The following KLF13 variants were observed in gnomAD, a reference collection of about 807,000 sequenced individuals.
KLF13 encodes the protein Krueppel-like factor 13.
KLF13 carries 8 observed loss-of-function variants against 16.7 expected under a neutral mutation model. The observed-to-expected ratio is 0.48, with a 90% CI of 0.28 to 0.87. The LOEUF (loss-of-function observed/expected upper bound fraction) is 0.87, where lower values mean the gene tolerates loss of function less well. Among genes scored for constraint, KLF13 ranks in the 40% least tolerant of loss-of-function variants. KLF13 has a pLI of 0.10. For synonymous variants in KLF13, 245 were observed against 208.4 expected (o/e 1.18, Z -1.51); for missense variants, 447 against 452.2 (o/e 0.99, Z 0.10).
At chr15:31,396,484 T>C (rs1353022844) in intron 2 of KLF13, among the ~76,000 whole-genome samples, 1 of 152,098 alleles carries the variant, frequency 6.6e-6, no homozygotes, top group Non-Finnish European at 1.5e-5. Context: ...ATTTGGTGGT[T>C]GGGGGGCAGC....
rs918257836 is a variant in KLF13 at position 31,376,278 on chromosome 15, C to CTGG, written c.*3981_*3983dup. 1 of 141,532 alleles carries CTGG rather than the reference C, an allele frequency of 7.1e-6. No individual in the cohort carries two copies. Among genetic ancestry groups the CTGG allele is most frequent in the African/African-American group, 2.6e-5 (1 of 37,880 alleles). The allele number at this position is 141,532 out of a possible 1,614,324, so 8.8% of individuals were successfully genotyped here. On this transcript the variant is annotated 3_prime_UTR_variant, in exon 2 of 2. Transcript: ENST00000307145. ...ATAGTGTGGCCTTGTTTCTCCGCTT[C>CTGG]TGGTTGTGGCTGTGTGTACAGGGCT...
chr15:31,372,523 T>A lies in KLF13; in HGVS notation c.*224T>A. ...AATAGATACACCCACAAAGTTGAGA[T>A]TCAGCGTTGTTGAACCCCCTTTCTC... On this transcript the variant is annotated 3_prime_UTR_variant, in exon 2 of 2. Coordinates refer to ENST00000307145, the MANE Select transcript of KLF13 (RefSeq NM_015995.4). 2 of 545,932 alleles carry A rather than the reference T, an allele frequency of 3.7e-6. No individual in the cohort carries two copies. The highest frequency in any genetic ancestry group is 3.1e-6 in the Non-Finnish European group (1 of 321,554). 33.8% of individuals were successfully genotyped at this position (545,932 alleles called of 1,614,324 possible). A position where few individuals can be genotyped will look rare whatever the true frequency, so the allele number is the denominator to read the frequency against.
chr15:31,405,557 A>G (rs1417068976), downstream of KLF13, among the ~76,000 whole-genome samples: 2 of 152,240 alleles, frequency 1.3e-5, no homozygotes, highest in Non-Finnish European at 2.9e-5. Flanking sequence ...TGATGAAAAC[A>G]TCTTGCTAGG....
intron 2 of KLF13, among the ~76,000 whole-genome samples, chr15:31,395,340 C>T (rs1166359215): frequency 2.6e-5 from 4 of 152,100 alleles, no homozygotes; most frequent in African/African-American, 9.7e-5. Context: ...TTTTTAAAGT[C>T]CATTCATCCA....
intron 1 of KLF13, among the ~76,000 whole-genome samples, chr15:31,352,031 G>A (rs1321064206): frequency 2.0e-5 from 3 of 151,924 alleles, no homozygotes; most frequent in Non-Finnish European, 4.4e-5. Context: ...AAAGGGAGGC[G>A]GGGGGAGTTT....
chr15:31,334,024 C>T lies in KLF13; in HGVS notation c.577+6235C>T, dbSNP rs2038883620. Among the ~76,000 whole-genome samples, 3 of 152,156 alleles carry T rather than the reference C, an allele frequency of 2.0e-5. No homozygotes were observed. In the South Asian group the frequency reaches 6.2e-4, roughly 32 times the overall value. On this transcript the variant is annotated intron_variant, in intron 1 of 1. Transcript: ENST00000307145. ...CATGGTTAAGGTGGGCGGCCAGGCT[C>T]AGCCCCTTCTGTCCACCTGGTTGGT...
intron 2 of KLF13, among the ~76,000 whole-genome samples, chr15:31,395,088 T>C (rs1046930942): frequency 7.2e-5 from 11 of 152,296 alleles, no homozygotes; most frequent in African/African-American, 1.9e-4. Flanking sequence ...CAAGCGATTC[T>C]CCTGTCTCAG....
intron 1 of KLF13, among the ~76,000 whole-genome samples, chr15:31,412,947 G>C (rs1205676163): frequency 6.6e-6 from 1 of 152,204 alleles, no homozygotes. Context: ...GAGCACTTCT[G>C]AGTTCCTGGG....
At chr15:31,340,352 T>G (rs1033530394) in intron 1 of KLF13, among the ~76,000 whole-genome samples, 8 of 152,242 alleles carry the variant, frequency 5.3e-5, no homozygotes, top group East Asian at 3.8e-4. Context: ...TGCCTGGTGT[T>G]GCTTGTGCAC....
intron 1 of KLF13, among the ~76,000 whole-genome samples, chr15:31,433,700 T>C (rs1484941209): frequency 2.0e-5 from 3 of 151,776 alleles, no homozygotes. Context: ...AAGATACCTC[T>C]GCCCTGAGAG....
chr15:31,381,509 A>C (rs879573680), downstream of KLF13, among the ~76,000 whole-genome samples: 31 of 152,158 alleles, frequency 2.0e-4, 1 homozygote, highest in Non-Finnish European at 1.2e-4. Flanking sequence ...GTGGCTGCAC[A>C]TCAGGCTGCC....
At chr15:31,394,032 G>T (rs1318387129) in intron 2 of KLF13, among the ~76,000 whole-genome samples, 5 of 152,156 alleles carry the variant, frequency 3.3e-5, no homozygotes, top group African/African-American at 1.2e-4. Context: ...TCCTGGGGGC[G>T]CGGTCCATGA....
chr15:31,361,181 C>T (rs926892260), intron 1 of KLF13, among the ~76,000 whole-genome samples: 1 of 152,136 alleles, frequency 6.6e-6, no homozygotes, highest in Non-Finnish European at 1.5e-5. Flanking sequence ...CCCCTGGGTG[C>T]AGAGGGTAGC....
chr15:31,409,150 T>C (rs1239917457), downstream of KLF13, among the ~76,000 whole-genome samples: 1 of 152,030 alleles, frequency 6.6e-6, no homozygotes, highest in Non-Finnish European at 1.5e-5. Flanking sequence ...CCAGGGGTGA[T>C]GGTGCATGCC....
chr15:31,421,669 A>G (rs1172719542), intron 1 of KLF13, among the ~76,000 whole-genome samples: 1 of 152,132 alleles, frequency 6.6e-6, no homozygotes, highest in African/African-American at 2.4e-5. Flanking sequence ...AAGGAATCAA[A>G]CTTGTCACTA....
chr15:31,335,452 TGTGTGTGTGTGTGTGTGTGTGTGTATG>T (rs2038913503), intron 1 of KLF13, among the ~76,000 whole-genome samples: 1 of 76,976 alleles, frequency 1.3e-5, no homozygotes, highest in Non-Finnish European at 2.7e-5. Context: ...TGTGTGTGTG[TGTGTGTGTGTGTGTGTGTGTGTGTATG>T]GTGGCGGGGC....
downstream of KLF13, among the ~76,000 whole-genome samples, chr15:31,379,179 G>C (rs868114145): frequency 2.0e-5 from 3 of 152,170 alleles, no homozygotes; most frequent in Non-Finnish European, 4.4e-5. Flanking sequence ...ATCATAGACT[G>C]GGGGGAGGGA....
chr15:31,344,165 A>G (rs1362628053), intron 1 of KLF13, among the ~76,000 whole-genome samples: 1 of 152,036 alleles, frequency 6.6e-6, no homozygotes, highest in Admixed American at 6.5e-5. Flanking sequence ...TGAGCCTGTC[A>G]CTCCAGCTCC....
At chr15:31,355,406 T>C (rs1463371400) in intron 1 of KLF13, among the ~76,000 whole-genome samples, 1 of 152,186 alleles carries the variant, frequency 6.6e-6, no homozygotes. Context: ...ATTTTGTAAA[T>C]TATGTTAAAA....
Sources: gnomAD v4.1 joint callset for allele counts (sites outside exome capture counted in the v4.1 genomes callset) on GRCh38, gnomAD v4.1.1 for gene constraint, MANE v1.5 for transcripts, NCBI Gene and HGNC (gene_info 2026-07-23, HGNC 2026-07-21) for gene names.